Variants in SLC25A26 observed in about 807,000 individuals in gnomAD.
SLC25A26 encodes mitochondrial S-adenosylmethionine carrier protein.
Under a neutral mutation model 37.8 loss-of-function variants are expected in SLC25A26, and 36 were observed. The ratio of observed to expected loss-of-function variants is 0.95; its 90% confidence interval spans 0.73 to 1.26. The LOEUF (loss-of-function observed/expected upper bound fraction) is 1.26, where lower values mean the gene tolerates loss of function less well. Among genes scored for constraint, SLC25A26 ranks in the 50% most tolerant of loss-of-function variants. The probability of loss-of-function intolerance (pLI) is 0.00; values close to 1 mark genes in which losing one functional copy is unlikely to be tolerated. For synonymous variants in SLC25A26, 129 were observed against 122.5 expected, an observed-to-expected ratio of 1.05 and a Z score of -0.35; for missense variants, 390 against 331.1, an observed-to-expected ratio of 1.18 and a Z score of -1.38.
chr3:66,358,941 T>G (rs1175819217), intron 6 of SLC25A26, among the ~76,000 whole-genome samples: 1 of 152,264 alleles, frequency 6.6e-6, no homozygotes, highest in African/African-American at 2.4e-5. Context: ...GCTGTTACAG[T>G]CATTCTTTAC....
At chr3:66,221,255 G>A (rs1038378599) in intron 1 of SLC25A26, 128 bp downstream of exon 1, 6 of 1,023,784 alleles carry the variant, frequency 5.9e-6, no homozygotes, top group African/African-American at 1.7e-5. Context: ...CTGGCAGCCA[G>A]GTCTGAGAGG....
intron 5 of SLC25A26, among the ~76,000 whole-genome samples, chr3:66,318,360 C>G (rs6770815): frequency 0.05 from 7,610 of 152,248 alleles, 604 homozygotes; most frequent in African/African-American, 0.17. Context: ...GTGGGAAAAG[C>G]ATGGCTTTCA....
intron 1 of SLC25A26, among the ~76,000 whole-genome samples, chr3:66,206,897 T>C (rs904020567): frequency 0.03 from 4,251 of 143,958 alleles, 232 homozygotes; most frequent in African/African-American, 0.1. Context: ...TTTCTTTCTT[T>C]TTTTTTTTTT....
intron 5 of SLC25A26, among the ~76,000 whole-genome samples, chr3:66,319,810 A>G (rs1210296887): frequency 3.7e-5 from 5 of 135,034 alleles, no homozygotes; most frequent in Non-Finnish European, 7.6e-5. Context: ...CTGGAGTGCA[A>G]TGGTGTGATC....
upstream of SLC25A26, among the ~76,000 whole-genome samples, chr3:66,217,667 G>C (rs1022544393): frequency 6.6e-6 from 1 of 151,878 alleles, no homozygotes; most frequent in African/African-American, 2.4e-5. Context: ...TCCTGCCTCA[G>C]CCTTCTGAGT....
intron 1 of SLC25A26, among the ~76,000 whole-genome samples, chr3:66,228,378 T>A (rs2071857298): frequency 6.6e-6 from 1 of 152,254 alleles, no homozygotes; most frequent in Non-Finnish European, 1.5e-5. Flanking sequence ...GTGGTTTTGT[T>A]ACCACTTCCA....
At chr3:66,149,454 CT>C (rs1156654439) in intron 1 of SLC25A26, among the ~76,000 whole-genome samples, 11 of 152,190 alleles carry the variant, frequency 7.2e-5, no homozygotes, top group African/African-American at 2.7e-4. Flanking sequence ...TTTTCTTTGC[CT>C]CATATGTTAC....
At chr3:66,370,370 C>T (rs759931411) in intron 8 of SLC25A26, 159 bp from the exon 9 acceptor site, 5 of 168,590 alleles carry the variant, frequency 3.0e-5, no homozygotes, top group Non-Finnish European at 4.8e-5. Flanking sequence ...CACTTCTGGG[C>T]GAGCGAGCCA....
intron 1 of SLC25A26, among the ~76,000 whole-genome samples, chr3:66,169,163 T>C (rs1443533224): frequency 2.0e-5 from 3 of 152,180 alleles, no homozygotes. Flanking sequence ...TTGACATCTT[T>C]TGGCTTCCTA....
At chr3:66,372,092 C>CA (rs1306409066) in intron 9 of SLC25A26, among the ~76,000 whole-genome samples, 1 of 152,014 alleles carries the variant, frequency 6.6e-6, no homozygotes, top group East Asian at 1.9e-4. Flanking sequence ...GACCCTGTCT[C>CA]AAAAAAACAA....
intron 3 of SLC25A26, among the ~76,000 whole-genome samples, chr3:66,248,270 C>T (rs2072936142): frequency 6.6e-6 from 1 of 152,186 alleles, no homozygotes; most frequent in East Asian, 1.9e-4. Flanking sequence ...ACAGTAAAAT[C>T]AGTCAAATAA....
intron 1 of SLC25A26, among the ~76,000 whole-genome samples, chr3:66,223,041 G>T (rs1034699508): frequency 6.6e-6 from 1 of 152,214 alleles, no homozygotes; most frequent in Non-Finnish European, 1.5e-5. Flanking sequence ...TCTGCCCACT[G>T]GGTATTGTGG....
At chr3:66,274,833 G>A (rs1023742954) in intron 5 of SLC25A26, among the ~76,000 whole-genome samples, 8 of 152,152 alleles carry the variant, frequency 5.3e-5, no homozygotes, top group Non-Finnish European at 1.0e-4. Context: ...CATTGTGGAA[G>A]TCAGTGTGGC....
chr3:66,339,917 C>G (rs2076170650), intron 5 of SLC25A26, among the ~76,000 whole-genome samples: 1 of 151,920 alleles, frequency 6.6e-6, no homozygotes, highest in Non-Finnish European at 1.5e-5. Flanking sequence ...TGTGTCATAT[C>G]CAAGAAATCA....
At chr3:66,370,035 C>CA (rs893769138) in intron 8 of SLC25A26, among the ~76,000 whole-genome samples, 4 of 152,082 alleles carry the variant, frequency 2.6e-5, no homozygotes, top group African/African-American at 9.7e-5. Flanking sequence ...TGAACCAAAA[C>CA]AAAAAAGTCC....
chr3:66,325,553 G>T (rs774855571), intron 5 of SLC25A26, among the ~76,000 whole-genome samples: 1 of 152,148 alleles, frequency 6.6e-6, no homozygotes, highest in African/African-American at 2.4e-5. Flanking sequence ...ATCTAGTCTG[G>T]ACCAGTTAAT....
intron 1 of SLC25A26, among the ~76,000 whole-genome samples, chr3:66,183,405 C>G (rs560284980): frequency 6.6e-6 from 1 of 152,006 alleles, no homozygotes; most frequent in Non-Finnish European, 1.5e-5. Context: ...CTGAGGCTAA[C>G]CCTATGCTCA....
intron 2 of SLC25A26, among the ~76,000 whole-genome samples, chr3:66,240,747 C>CT (rs782761312): frequency 0.25 from 31,987 of 128,850 alleles, 4,474 homozygotes; most frequent in African/African-American, 0.34. Context: ...CTTTTCTTTT[C>CT]TTTTTTTTTT....
At chr3:66,343,209 CTGGCAGCCCATCTTTCACATGTG>C (rs1368943926) in intron 5 of SLC25A26, among the ~76,000 whole-genome samples, 1 of 152,196 alleles carries the variant, frequency 6.6e-6, no homozygotes, top group Non-Finnish European at 1.5e-5. Context: ...GCTGTATTTG[CTGGCAGCCCATCTTTCACATGTG>C]TGGAACACAT....
Sources: gnomAD v4.1 joint callset for allele counts (sites outside exome capture counted in the v4.1 genomes callset) on GRCh38, gnomAD v4.1.1 for gene constraint, MANE v1.5 for transcripts, NCBI Gene and HGNC (gene_info 2026-07-23, HGNC 2026-07-21) for gene names.